Variants in FLI1 observed in about 807,000 individuals in gnomAD.
FLI1 encodes the protein Friend leukemia integration 1 transcription factor.
Under a neutral mutation model 53.1 loss-of-function variants are expected in FLI1, and 13 were observed. The observed-to-expected ratio is 0.24, with a 90% CI of 0.16 to 0.39. The LOEUF (loss-of-function observed/expected upper bound fraction) is 0.39. Ranked by LOEUF, FLI1 falls within the 10% of genes least tolerant of loss-of-function variation. FLI1 has a pLI of 1.00. For missense variants in FLI1, 424 were observed against 600.5 expected, an observed-to-expected ratio of 0.71 and a Z score of 3.07; for synonymous variants, 244 against 236.7, an observed-to-expected ratio of 1.03 and a Z score of -0.28.
chr11:128,764,508 T>G (rs1222990164), intron 2 of FLI1: 2 of 727,044 alleles, frequency 2.8e-6, no homozygotes, highest in Admixed American at 2.2e-5. Flanking sequence ...GTCCCAGTGC[T>G]ATCAGCTGCC....
At position 128,810,436 on chromosome 11, in the gene FLI1, C is replaced by G. The variant is rs1307734924; in HGVS notation, c.830-23C>G. The G allele has an allele frequency of 6.4e-7, 1 of 1,572,236 alleles. No homozygotes were observed. The highest frequency in any genetic ancestry group is 8.6e-7 in the Non-Finnish European group (1 of 1,158,266). On this transcript the variant is annotated intron_variant, in intron 8 of 8. Coordinates refer to ENST00000527786, the MANE Select transcript of FLI1 (RefSeq NM_002017.5). The surrounding 1 kb of genome is among the most constrained non-coding windows in gnomAD (Gnocchi z 6.6). Reference sequence around the variant, plus strand: ...TCTGGGCTGAGGTGTTCTGTTCTCTCCCGTTTGCCTCACGGCGTGCAGGAA... The same window carrying G: ...TCTGGGCTGAGGTGTTCTGTTCTCTGCCGTTTGCCTCACGGCGTGCAGGAA...
chr11:128,764,528 C>T, intron 2 of FLI1: 1 of 908,562 alleles, frequency 1.1e-6, no homozygotes, highest in Non-Finnish European at 1.7e-6. Flanking sequence ...CAGTGGGCCC[C>T]AGCCCCATGC....
intron 3 of FLI1, among the ~76,000 whole-genome samples, chr11:128,771,410 C>A (rs1430788154): frequency 6.6e-6 from 1 of 152,192 alleles, no homozygotes; most frequent in Non-Finnish European, 1.5e-5. Context: ...CACATAAAAA[C>A]CAAGGTGGAA....
intron 6 of FLI1, 187 bp downstream of exon 6, chr11:128,805,618 C>T (rs554191050): frequency 2.1e-5 from 11 of 533,338 alleles, no homozygotes; most frequent in African/African-American, 9.7e-5. Context: ...ATGGGATTTT[C>T]GTTTAGATTT....
intron 5 of FLI1, among the ~76,000 whole-genome samples, chr11:128,799,457 G>T (rs1042753088): frequency 4.6e-5 from 7 of 152,084 alleles, no homozygotes; most frequent in African/African-American, 1.7e-4. Context: ...CATAGCAACC[G>T]TAGAAAGCAC....
chr11:128,711,241 T>G (rs924746165), intron 1 of FLI1, among the ~76,000 whole-genome samples: 1 of 152,230 alleles, frequency 6.6e-6, no homozygotes, highest in East Asian at 1.9e-4. Context: ...GACTGCATCA[T>G]TCAAGTTAAA....
intron 5 of FLI1, among the ~76,000 whole-genome samples, chr11:128,796,801 C>A (rs1201173178): frequency 6.6e-6 from 1 of 152,104 alleles, no homozygotes; most frequent in Non-Finnish European, 1.5e-5. Flanking sequence ...ATGGTGAAAC[C>A]CCGTCTCTAC....
chr11:128,701,875 C>A (rs764420669), intron 1 of FLI1, among the ~76,000 whole-genome samples: 10 of 152,154 alleles, frequency 6.6e-5, no homozygotes, highest in Non-Finnish European at 8.8e-5. Context: ...GTGGGTTTCA[C>A]ATGTCTACTG....
chr11:128,722,304 G>A (rs1276890770), intron 1 of FLI1, among the ~76,000 whole-genome samples: 1 of 152,232 alleles, frequency 6.6e-6, no homozygotes, highest in African/African-American at 2.4e-5. Context: ...GGAGAAAGCA[G>A]AGGAAAAGCT....
chr11:128,687,370 C>A (rs1312335425), intron 1 of FLI1, among the ~76,000 whole-genome samples: 1 of 152,008 alleles, frequency 6.6e-6, no homozygotes, highest in African/African-American at 2.4e-5. Flanking sequence ...CTGGGTGGGG[C>A]GGGGAGTGCG....
intron 1 of FLI1, among the ~76,000 whole-genome samples, chr11:128,720,989 T>C (rs1939231080): frequency 6.6e-6 from 1 of 152,060 alleles, no homozygotes; most frequent in Non-Finnish European, 1.5e-5. Context: ...CTCCACCCAG[T>C]CAAGTTCTGC....
chr11:128,749,894 C>T (rs935193813), intron 1 of FLI1, among the ~76,000 whole-genome samples: 11 of 152,198 alleles, frequency 7.2e-5, no homozygotes, highest in African/African-American at 1.7e-4. Flanking sequence ...TTGCTAACAG[C>T]GGCCACCTGC....
upstream of FLI1, chr11:128,693,036 G>A (rs1308183260): frequency 6.6e-6 from 1 of 152,636 alleles, no homozygotes; most frequent in Non-Finnish European, 1.5e-5. Flanking sequence ...TGCGCTCCTG[G>A]GACCTGCTGA....
At chr11:128,732,688 A>G (rs1939750118) in intron 1 of FLI1, among the ~76,000 whole-genome samples, 2 of 152,250 alleles carry the variant, frequency 1.3e-5, no homozygotes, top group African/African-American at 4.8e-5. Flanking sequence ...ACATTTACAC[A>G]AAAATGATTA....
chr11:128,781,092 T>C (rs1941901122), intron 4 of FLI1, among the ~76,000 whole-genome samples: 2 of 152,204 alleles, frequency 1.3e-5, no homozygotes, highest in African/African-American at 4.8e-5. Flanking sequence ...GAGGTATGAA[T>C]TGAAGTTTAA....
intron 1 of FLI1, among the ~76,000 whole-genome samples, chr11:128,739,262 A>T (rs968497750): frequency 8.5e-5 from 13 of 152,184 alleles, no homozygotes; most frequent in African/African-American, 2.9e-4. Flanking sequence ...CCATGCAAAA[A>T]AAGGAAGCAG....
chr11:128,774,415 G>A (rs1445037437), intron 4 of FLI1, among the ~76,000 whole-genome samples: 1 of 152,184 alleles, frequency 6.6e-6, no homozygotes, highest in Non-Finnish European at 1.5e-5. Flanking sequence ...CAGAGCTTTG[G>A]ATAATTAGCA....
intron 1 of FLI1, among the ~76,000 whole-genome samples, chr11:128,709,382 G>A (rs997582031): frequency 3.3e-5 from 5 of 152,120 alleles, no homozygotes; most frequent in Admixed American, 2.6e-4. Flanking sequence ...CTTTTTTCTG[G>A]CCTTAGTGAT....
intron 1 of FLI1, among the ~76,000 whole-genome samples, chr11:128,750,914 G>A (rs543208498): frequency 6.6e-6 from 1 of 152,284 alleles, no homozygotes; most frequent in African/African-American, 2.4e-5. Context: ...CTGAGTATGT[G>A]GTGTACGAAC....
Sources: gnomAD v4.1 joint callset for allele counts (sites outside exome capture counted in the v4.1 genomes callset) on GRCh38, gnomAD v4.1.1 for gene constraint, Gnocchi (gnomAD v3.1) non-coding constraint, MANE v1.5 for transcripts, NCBI Gene and HGNC (gene_info 2026-07-23, HGNC 2026-07-21) for gene names.